ADCY3: variants seen among roughly 807,000 people sequenced by gnomAD.
ADCY3 encodes adenylate cyclase 3, also known as adenylate cyclase type 3.
Under a neutral mutation model 119.4 loss-of-function variants are expected in ADCY3, and 70 were observed. The ratio of observed to expected loss-of-function variants is 0.59; its 90% CI spans 0.48 to 0.72. ADCY3 has a LOEUF of 0.72. ADCY3 is among the 30% of genes least tolerant of loss of function. The pLI is 0.00. For missense variants in ADCY3, 1,238 were observed against 1,541.6 expected (o/e 0.80, Z 3.30); for synonymous variants, 672 against 621.4 (o/e 1.08, Z -1.21).
intron 3 of ADCY3, among the ~76,000 whole-genome samples, chr2:24,867,333 G>A (rs1184939982): frequency 1.3e-5 from 2 of 152,350 alleles, no homozygotes; most frequent in East Asian, 3.9e-4. Context: ...TGATTTGAAT[G>A]TGTCTGTTCA....
At position 24,920,075 on chromosome 2, in the gene ADCY3, G is replaced by T. The variant is rs1484944347; in HGVS notation, c.-590C>A. Among the ~76,000 whole-genome samples, 3 of 146,076 alleles carry T rather than the reference G, an allele frequency of 2.1e-5. No individual in the cohort carries two copies. The highest frequency in any genetic ancestry group is 7.4e-5 in the African/African-American group (3 of 40,720). ...CCCGCGGCGGCGGCGGCTGCTAGGGGCGCGCGCGGGGCCCTCCCCGGCGGG... is the reference window on the plus strand; with the variant it reads ...CCCGCGGCGGCGGCGGCTGCTAGGGTCGCGCGCGGGGCCCTCCCCGGCGGG... On this transcript the variant is annotated 5_prime_UTR_variant, in exon 1 of 22. Coordinates refer to ENST00000679454, the MANE Select transcript of ADCY3 (RefSeq NM_004036.5). This position sits in a 1 kb window ranked among gnomAD's most constrained non-coding sequence, Gnocchi z 4.5.
At position 24,834,967 on chromosome 2, in the gene ADCY3, C is replaced by T; in HGVS notation, c.1663-31G>A. On this transcript the variant is annotated intron_variant, in intron 9 of 21. Transcript: ENST00000679454. The surrounding 1 kb of genome is among the most constrained non-coding windows in gnomAD (Gnocchi z 4.2). ...AGCCAGGGAGGCAGCGTGAGTGGGG[C>T]AGATGGGACAGAGTGGTGGGGAAGA... 6.2e-7 allele frequency: 1 copy of T among 1,606,630 alleles called. No homozygotes were observed. The highest frequency in any genetic ancestry group is 1.3e-5 in the African/African-American group (1 of 74,952).
intron 11 of ADCY3, chr2:24,832,261 G>A (rs1669696617): frequency 6.1e-6 from 1 of 163,858 alleles, no homozygotes; most frequent in South Asian, 1.7e-4. Flanking sequence ...TGCTGCCTGG[G>A]ACATTTCCCA....
At position 24,834,285 on chromosome 2, in the gene ADCY3, C is replaced by T. The variant is rs982695426; in HGVS notation, c.1967+200G>A. On this transcript the variant is annotated intron_variant, in intron 11 of 21. Transcript: ENST00000679454. The surrounding 1 kb of genome is among the most constrained non-coding windows in gnomAD (Gnocchi z 4.2). ...TTCTGACGCTAGGACTGCTCCAAAA[C>T]GCGGGGCAGGGAAAAGGAAGGATGC... is the stretch of plus-strand genomic sequence containing the variant. Among the ~76,000 whole-genome samples, 1 of 152,222 alleles carries T rather than the reference C, an allele frequency of 6.6e-6. No homozygotes were observed. The highest frequency in any genetic ancestry group is 1.5e-5 in the Non-Finnish European group (1 of 68,028).
chr2:24,830,911 G>A (rs566707916), intron 12 of ADCY3, 86 bp from the exon 13 acceptor site: 42 of 1,048,946 alleles, frequency 4.0e-5, no homozygotes, highest in South Asian at 7.0e-5. Flanking sequence ...GGCTGGTCCC[G>A]TATTCCAGTC....
Position 24,830,807 on chromosome 2 carries a change from C to T in ADCY3, c.2074G>A (p.Val692Met). 1 of 1,613,982 alleles carries T rather than the reference C, an allele frequency of 6.2e-7. No individual in the cohort carries two copies. ...IFPRAFPKKL[V>M]AFSTWIDRTR... Reference sequence around the variant, plus strand: ...CGGTCAATCCAAGTTGAGAAGGCCACAAGCTTCTTAGGAAAGGCCTAGAAG... The same window carrying T: ...CGGTCAATCCAAGTTGAGAAGGCCATAAGCTTCTTAGGAAAGGCCTAGAAG... Residue 692 changes from valine to methionine, a missense_variant, in exon 13 of 22, where the codon GTG becomes ATG. Physicochemically the swap from Val to Met is conservative, Grantham distance 21. Coordinates refer to ENST00000679454, the MANE Select transcript of ADCY3 (RefSeq NM_004036.5).
At chr2:24,906,258 G>A (rs1201130787) in intron 2 of ADCY3, among the ~76,000 whole-genome samples, 2 of 151,902 alleles carry the variant, frequency 1.3e-5, no homozygotes, top group Admixed American at 1.3e-4. Flanking sequence ...AGTGAGCTGA[G>A]ATGATGCCAC....
intron 2 of ADCY3, among the ~76,000 whole-genome samples, chr2:24,905,698 C>T (rs1679376979): frequency 6.6e-6 from 1 of 152,204 alleles, no homozygotes; most frequent in Non-Finnish European, 1.5e-5. Context: ...TTCTACAATT[C>T]CTTATCAGAG....
intron 3 of ADCY3, among the ~76,000 whole-genome samples, chr2:24,843,554 A>G (rs887415775): frequency 4.6e-5 from 7 of 152,224 alleles, no homozygotes; most frequent in East Asian, 1.9e-4. Flanking sequence ...TAACACTCCA[A>G]TGGCAGAGTG....
chr2:24,884,039 C>T (rs1676718665), intron 2 of ADCY3, among the ~76,000 whole-genome samples: 1 of 152,158 alleles, frequency 6.6e-6, no homozygotes, highest in South Asian at 2.1e-4. Flanking sequence ...CCCCTTTAGT[C>T]CTTCTAGGGG....
chr2:24,918,562 C>T lies in ADCY3; in HGVS notation c.426G>A (p.Val142=), dbSNP rs1664742849. 1 of 1,613,992 alleles carries T rather than the reference C, an allele frequency of 6.2e-7. No homozygotes were observed. The highest frequency in any genetic ancestry group is 8.5e-7 in the Non-Finnish European group (1 of 1,180,030). ...TCTGGGCGGTTATGAGCAGCCACAG[C>T]ACGTAGGGCAGCACTCTGCGGGTGA... is the stretch of plus-strand genomic sequence containing the variant. The part of the protein sequence containing the change: ...DRVTRRVLPY[V]LWLLITAQIF... The change falls in exon 2 of 22, where the codon GTG becomes GTA. Residue 142 remains valine, a synonymous_variant. Transcript: ENST00000679454. This position sits in a 1 kb window ranked among gnomAD's most constrained non-coding sequence, Gnocchi z 5.4.
Position 24,918,682 on chromosome 2 carries a change from G to A in ADCY3, c.306C>T (p.Ser102=). 6.2e-7 allele frequency: 1 copy of A among 1,614,064 alleles called. No individual in the cohort carries two copies. Among genetic ancestry groups the A allele is most frequent in the South Asian group, 1.1e-5 (1 of 91,074 alleles). ...VVVMCAVVFS[S]DKLASLAVAG... ...CCACGGCGAGGGAAGCCAGCTTGTC[G>A]CTGGAGAAGACCACAGCACACATGA... is the stretch of plus-strand genomic sequence containing the variant. The change falls in exon 2 of 22, where the codon AGC becomes AGT. Residue 102 remains serine (S), a synonymous_variant. Coordinates refer to ENST00000679454, the MANE Select transcript of ADCY3 (RefSeq NM_004036.5). The surrounding 1 kb of genome is among the most constrained non-coding windows in gnomAD (Gnocchi z 5.4).
At chr2:24,823,651 T>C (rs1668142599) in intron 17 of ADCY3, among the ~76,000 whole-genome samples, 1 of 151,738 alleles carries the variant, frequency 6.6e-6, no homozygotes, top group Non-Finnish European at 1.5e-5. Flanking sequence ...GGCTGTAGAT[T>C]ATTCCAACTC....
At chr2:24,850,981 A>G (rs1572887092) in intron 3 of ADCY3, among the ~76,000 whole-genome samples, 1 of 152,390 alleles carries the variant, frequency 6.6e-6, no homozygotes, top group East Asian at 1.9e-4. Context: ...GGACGACCGA[A>G]TTAGGGAAAA....
At chr2:24,859,491 A>G (rs566055348) in intron 3 of ADCY3, among the ~76,000 whole-genome samples, 1 of 152,344 alleles carries the variant, frequency 6.6e-6, no homozygotes, top group Non-Finnish European at 1.5e-5. Flanking sequence ...CCAAGCGCCT[A>G]TAAGAACAGG....
At position 24,839,977 on chromosome 2, in the gene ADCY3, C is replaced by T. The variant is rs140554416; in HGVS notation, c.1251G>A (p.Thr417=). ...TGVDMRVGVH[T]GTVLGGVLGQ... is the part of the protein sequence containing the mutation. The stretch of plus-strand genomic sequence containing the variant: ...CCAGGACGCCCCCCAGCACGGTGCC[C>T]GTGTGCACCCCCACACGCATGTCCA... Residue 417 remains threonine, a synonymous_variant, in exon 7 of 22, where the codon ACG becomes ACA. Transcript: ENST00000679454. 4.3e-5 allele frequency: 69 copies of T among 1,613,842 alleles called. 1 individual carries two copies. The highest frequency in any genetic ancestry group is 3.1e-4 in the South Asian group (28 of 91,082).
chr2:24,886,283 C>T (rs1486077430), intron 2 of ADCY3, among the ~76,000 whole-genome samples: 2 of 152,262 alleles, frequency 1.3e-5, no homozygotes, highest in Non-Finnish European at 1.5e-5. Context: ...GCTTCACATG[C>T]GCCAAAGCAA....
At chr2:24,861,952 TA>T (rs1673714913) in intron 3 of ADCY3, among the ~76,000 whole-genome samples, 1 of 152,252 alleles carries the variant, frequency 6.6e-6, no homozygotes. Flanking sequence ...ACAATGGTAT[TA>T]TTTTTAATCC....
At chr2:24,916,680 CAA>C (rs554513001) in intron 2 of ADCY3, among the ~76,000 whole-genome samples, 1 of 143,818 alleles carries the variant, frequency 7.0e-6, no homozygotes, top group African/African-American at 2.5e-5. Flanking sequence ...GACTCCGTCT[CAA>C]AAAAAAAAAG....
Sources: allele counts gnomAD v4.1 joint callset (sites outside exome capture counted in the v4.1 genomes callset), GRCh38; gene constraint gnomAD v4.1.1; non-coding constraint Gnocchi (gnomAD v3.1); transcripts MANE v1.5; gene names NCBI Gene and HGNC (gene_info 2026-07-23, HGNC 2026-07-21).